Variants in CTBP2 observed in about 807,000 individuals in gnomAD.
The protein encoded by CTBP2 is C-terminal-binding protein 2.
In CTBP2, 30 loss-of-function variants were observed where a neutral mutation model predicts 80.3. The observed-to-expected ratio is 0.37, with a 90% CI of 0.28 to 0.51. The LOEUF is 0.51. Ranked by LOEUF, CTBP2 falls within the 20% of genes least tolerant of loss-of-function variation. The probability of loss-of-function intolerance (pLI) is 0.93; values close to 1 mark genes in which losing one functional copy is unlikely to be tolerated. For synonymous variants in CTBP2, 594 were observed against 587.4 expected (o/e 1.01, Z -0.16); for missense variants, 1,212 against 1,375.3 (o/e 0.88, Z 1.88).
At chr10:125,073,330 A>G (rs1413361884) in intron 2 of CTBP2, among the ~76,000 whole-genome samples, 2 of 152,168 alleles carry the variant, frequency 1.3e-5, no homozygotes, top group Admixed American at 6.5e-5. Flanking sequence ...CCCGAGTTCA[A>G]TTGACCAGGT....
chr10:125,067,634 T>C (rs531392334), intron 2 of CTBP2, among the ~76,000 whole-genome samples: 2 of 152,354 alleles, frequency 1.3e-5, no homozygotes, highest in East Asian at 1.9e-4. Flanking sequence ...AAGGATATAA[T>C]GTAAACCAAA....
At chr10:125,008,639 G>A (rs1273753113) in intron 1 of CTBP2, among the ~76,000 whole-genome samples, 1 of 152,246 alleles carries the variant, frequency 6.6e-6, no homozygotes, top group Non-Finnish European at 1.5e-5. Flanking sequence ...CCCGACAGAA[G>A]GTGTCAGAGT....
At chr10:125,162,224 C>G (rs1057234), upstream of CTBP2, among the ~76,000 whole-genome samples, 70,805 of 152,094 alleles carry the variant, frequency 0.47, 17,224 homozygotes, top group African/African-American at 0.59. Context: ...TCTGAGGTCC[C>G]GCCTTTGGAG....
intron 3 of CTBP2, among the ~76,000 whole-genome samples, chr10:125,037,513 T>C (rs891031545): frequency 2.6e-5 from 4 of 152,172 alleles, no homozygotes; most frequent in Admixed American, 6.5e-5. Context: ...GGTGAACCTA[T>C]ACTGTGGAAT....
chr10:125,050,176 A>G (rs183719147), intron 2 of CTBP2, among the ~76,000 whole-genome samples: 2 of 152,260 alleles, frequency 1.3e-5, no homozygotes, highest in Non-Finnish European at 2.9e-5. Flanking sequence ...ACAAGTATAC[A>G]CATTCCATAA....
chr10:125,028,625 T>C (rs139606167), upstream of CTBP2, among the ~76,000 whole-genome samples: 223 of 152,350 alleles, frequency 1.5e-3, 1 homozygote, highest in Admixed American at 3.1e-3. Flanking sequence ...GATGGGCTCA[T>C]GCTGCCGGGG....
chr10:125,023,869 A>AGTG (rs1957291384), intron 1 of CTBP2, among the ~76,000 whole-genome samples: 1 of 152,200 alleles, frequency 6.6e-6, no homozygotes, highest in Non-Finnish European at 1.5e-5. Context: ...GCAGTGCAAC[A>AGTG]CCGCCCATCC....
chr10:125,128,506 G>T (rs1855627543), intron 1 of CTBP2, among the ~76,000 whole-genome samples: 1 of 152,150 alleles, frequency 6.6e-6, no homozygotes, highest in Non-Finnish European at 1.5e-5. Flanking sequence ...AGAGGACACA[G>T]CTACATCTTC....
At chr10:125,031,127 T>C (rs971604810), upstream of CTBP2, among the ~76,000 whole-genome samples, 4 of 152,134 alleles carry the variant, frequency 2.6e-5, no homozygotes, top group African/African-American at 4.8e-5. Flanking sequence ...CTTTTAAATG[T>C]GGACAGCCTG....
At chr10:125,112,974 G>GCTC (rs1852559377) in intron 1 of CTBP2, among the ~76,000 whole-genome samples, 1 of 152,148 alleles carries the variant, frequency 6.6e-6, no homozygotes, top group Non-Finnish European at 1.5e-5. Context: ...CCGACAGCCA[G>GCTC]CTCCTGCTCC....
chr10:125,088,151 C>T (rs896155673), intron 2 of CTBP2: 5 of 152,200 alleles, frequency 3.3e-5, no homozygotes, highest in African/African-American at 1.2e-4. Context: ...GACAAAAGAT[C>T]ACAGGAGATC....
chr10:125,048,223 G>C (rs1293543028), intron 2 of CTBP2, among the ~76,000 whole-genome samples: 1 of 152,142 alleles, frequency 6.6e-6, no homozygotes, highest in East Asian at 1.9e-4. Flanking sequence ...GGGAGGCCTG[G>C]TGTCCAGCGA....
intron 2 of CTBP2, among the ~76,000 whole-genome samples, chr10:125,050,483 G>T (rs1962455845): frequency 6.6e-6 from 1 of 152,240 alleles, no homozygotes; most frequent in South Asian, 2.1e-4. Flanking sequence ...AGGGATGAAG[G>T]CTTTGTTTGG....
In CTBP2 at chr10:124,984,699, G is replaced by A. The variant is rs1466371518; in HGVS notation, c.*4819C>T. On this transcript the variant is annotated 3_prime_UTR_variant, in exon 9 of 9. Transcript: ENST00000309035. ...TCATGAGTTAGCATACCAGCTGTAG[G>A]TTTCCATGTCACATTCCTACCAAGT... 1 of 1,469,560 alleles carries A rather than the reference G, an allele frequency of 6.8e-7. No homozygotes were observed. The allele number at this position is 1,469,560 out of a possible 1,614,324, so 91.0% of individuals were successfully genotyped here.
At position 125,149,786 on chromosome 10, in the gene CTBP2, C is replaced by T. The variant is rs142566200; in HGVS notation, c.-206+10533G>A. On this transcript the variant is annotated intron_variant, in intron 1 of 10. Coordinates refer to the CTBP2 transcript ENST00000337195. ...AAGCCAAGGTCAACCTGGGAGCTCC[C>T]GCATCACCTGCTCCGGGTACTCTTC... Among the ~76,000 whole-genome samples the T allele has an allele frequency of 4.6e-4, 70 of 152,326 alleles. 1 individual carries two copies. Among genetic ancestry groups the T allele is most frequent in the Middle Eastern group, 3.4e-3 (1 of 294 alleles).
At chr10:124,995,186 C>A (rs1589926746) in intron 4 of CTBP2, among the ~76,000 whole-genome samples, 1 of 152,232 alleles carries the variant, frequency 6.6e-6, no homozygotes, top group East Asian at 1.9e-4. Flanking sequence ...TGGCTCCCTG[C>A]AGGCTGGCCC....
intron 2 of CTBP2, among the ~76,000 whole-genome samples, chr10:125,040,648 C>A (rs1959446148): frequency 6.8e-6 from 1 of 146,600 alleles, no homozygotes; most frequent in African/African-American, 2.7e-5. Flanking sequence ...TCTCAGTGAT[C>A]TAGCAGAAAG....
intron 1 of CTBP2, among the ~76,000 whole-genome samples, chr10:125,145,257 T>C (rs1858541292): frequency 6.6e-6 from 1 of 152,028 alleles, no homozygotes; most frequent in African/African-American, 2.4e-5. Context: ...AGGCACCCCC[T>C]GGAGGAGGTG....
intron 1 of CTBP2, among the ~76,000 whole-genome samples, chr10:125,004,386 T>C (rs777914270): frequency 3.9e-5 from 6 of 152,166 alleles, no homozygotes; most frequent in Non-Finnish European, 5.9e-5. Flanking sequence ...TTTTCTCTCT[T>C]TATTCTGTGC....
Sources: gnomAD v4.1 joint callset for allele counts (sites outside exome capture counted in the v4.1 genomes callset) on GRCh38, gnomAD v4.1.1 for gene constraint, MANE v1.5 for transcripts, NCBI Gene and HGNC (gene_info 2026-07-23, HGNC 2026-07-21) for gene names.